The following BAIAP2 variants were observed in gnomAD, a reference collection of about 807,000 sequenced individuals.
BAIAP2 encodes the protein BAR/IMD domain containing adaptor protein 2.
BAIAP2 carries 18 observed loss-of-function variants against 63.0 expected under a neutral mutation model. That is an observed-to-expected ratio of 0.29 (90% CI 0.20 to 0.42). BAIAP2 has a LOEUF of 0.42. Ranked by LOEUF, BAIAP2 falls within the 10% of genes least tolerant of loss-of-function variation. BAIAP2 has a pLI of 1.00. For missense variants in BAIAP2, 610 were observed against 734.3 expected (o/e 0.83, Z 1.96); for synonymous variants, 386 against 307.6 (o/e 1.25, Z -2.67).
intron 3 of BAIAP2, among the ~76,000 whole-genome samples, chr17:81,059,123 G>GC (rs145916501): frequency 0.011 from 1,580 of 150,136 alleles, 13 homozygotes; most frequent in African/African-American, 0.021. Flanking sequence ...CCTCATCGGA[G>GC]CCCCCCCCCC....
At chr17:81,068,268 C>T (rs1004656126) in intron 3 of BAIAP2, among the ~76,000 whole-genome samples, 2 of 152,228 alleles carry the variant, frequency 1.3e-5, no homozygotes, top group Admixed American at 1.3e-4. Context: ...GAGCAATGTT[C>T]CCTCCTGGTC....
At chr17:81,090,030 G>A (rs2056441608) in intron 6 of BAIAP2, among the ~76,000 whole-genome samples, 1 of 152,150 alleles carries the variant, frequency 6.6e-6, no homozygotes, top group African/African-American at 2.4e-5. Flanking sequence ...CCCAGCCCTG[G>A]CTGAGCAGCC....
At chr17:81,097,397 C>T (rs1403971293) in intron 6 of BAIAP2, among the ~76,000 whole-genome samples, 1 of 152,350 alleles carries the variant, frequency 6.6e-6, no homozygotes. Context: ...CACACCCTGC[C>T]AGGCTGGTTC....
intron 3 of BAIAP2, among the ~76,000 whole-genome samples, chr17:81,061,742 G>A (rs910828576): frequency 7.2e-5 from 11 of 152,102 alleles, no homozygotes; most frequent in African/African-American, 2.7e-4. Context: ...AACTGATGTT[G>A]TGGAGCATCT....
At chr17:81,087,241 A>AC (rs1208772453) in intron 6 of BAIAP2, among the ~76,000 whole-genome samples, 1 of 152,174 alleles carries the variant, frequency 6.6e-6, no homozygotes, top group Non-Finnish European at 1.5e-5. Context: ...CTGGCCAGTC[A>AC]CCCAGGTAGA....
rs1291925203 is a variant in BAIAP2 at position 81,104,995 on chromosome 17, CGGCAGGGATCTCCCCCAAT to C, written c.1268+287_1268+305del. On this transcript the variant is annotated intron_variant, in intron 10 of 13. Transcript: ENST00000428708. ...CCCAACAGCAGGGATCTCCCCCCAA[CGGCAGGGATCTCCCCCAAT>C]GGCAGGTATCTCCCCCAATGGCAGG... 8.7e-4 allele frequency: 319 copies of C among 366,170 alleles called. 6 individuals carry two copies. Among genetic ancestry groups the C allele is most frequent in the Non-Finnish European group, 9.9e-4 (195 of 196,586 alleles). 22.7% of individuals were successfully genotyped at this position (366,170 alleles called of 1,614,324 possible). A position where few individuals can be genotyped will look rare whatever the true frequency, so the allele number is the denominator to read the frequency against.
chr17:81,100,348 G>C (rs904609547), intron 7 of BAIAP2, among the ~76,000 whole-genome samples: 1 of 92,900 alleles, frequency 1.1e-5, no homozygotes, highest in African/African-American at 3.3e-5. Flanking sequence ...CATTCTTCTA[G>C]AATGTTCTTG....
rs983141142 is a variant in BAIAP2, at chr17:81,046,972, G to C, written c.55-6696G>C. Among the ~76,000 whole-genome samples the C allele has an allele frequency of 1.3e-5, 2 of 152,188 alleles. No homozygotes were observed. Among genetic ancestry groups the C allele is most frequent in the Non-Finnish European group, 2.9e-5 (2 of 68,022 alleles). ...GCTGCCACCGGCTTCTGCCTGTCGC[G>C]ACAGAGGTGGAAGTGAGGGCGGTGG... On this transcript the variant is annotated intron_variant, in intron 1 of 13. Transcript: ENST00000428708. The surrounding 1 kb of genome is among the most constrained non-coding windows in gnomAD (Gnocchi z 4.5).
chr17:81,093,645 C>T (rs2057167612), intron 6 of BAIAP2, among the ~76,000 whole-genome samples: 1 of 152,000 alleles, frequency 6.6e-6, no homozygotes, highest in Non-Finnish European at 1.5e-5. Context: ...ATGCAGGGGG[C>T]TGGTGGGGGG....
At chr17:81,096,425 A>C (rs968334346) in intron 6 of BAIAP2, among the ~76,000 whole-genome samples, 1 of 152,232 alleles carries the variant, frequency 6.6e-6, no homozygotes, top group African/African-American at 2.4e-5. Context: ...CCTCCAAAGC[A>C]GGCACCCCCA....
chr17:81,035,363 G>A (rs1273710222), intron 1 of BAIAP2, 55 bp downstream of exon 1: 14 of 1,136,616 alleles, frequency 1.2e-5, no homozygotes, highest in South Asian at 2.8e-5. Context: ...TGGGTCGCGC[G>A]CCGCCCGCGC....
intron 3 of BAIAP2, among the ~76,000 whole-genome samples, chr17:81,061,145 C>G (rs952598761): frequency 6.6e-6 from 1 of 152,172 alleles, no homozygotes; most frequent in Non-Finnish European, 1.5e-5. Context: ...TAGACATCAT[C>G]GAAAGGATTC....
intron 6 of BAIAP2, among the ~76,000 whole-genome samples, chr17:81,095,318 C>T (rs774304008): frequency 1.8e-4 from 28 of 152,172 alleles, no homozygotes; most frequent in African/African-American, 5.1e-4. Context: ...CCACACAGCT[C>T]GGACGTGCCC....
At position 81,090,135 on chromosome 17, in the gene BAIAP2, A is replaced by G. The variant is rs374942298; in HGVS notation, c.489+3555A>G. On this transcript the variant is annotated intron_variant, in intron 6 of 13. Transcript: ENST00000428708. ...CTGTCCCCACCTGGGCACAGCCTCA[A>G]GGCCCTGGTGTCAGGCTTAGGCTTG... 3.5e-3 allele frequency among the ~76,000 whole-genome samples: 527 copies of G among 152,182 alleles called. 9 individuals carry two copies. The South Asian group carries it at 0.039, about 11-fold the overall frequency.
chr17:81,099,128 G>A (rs1276049111), intron 6 of BAIAP2, among the ~76,000 whole-genome samples: 2 of 45,106 alleles, frequency 4.4e-5, no homozygotes, highest in African/African-American at 1.9e-4. Flanking sequence ...CGAAAGGCGT[G>A]ACCTGTGGAT....
intron 11 of BAIAP2, among the ~76,000 whole-genome samples, chr17:81,106,414 C>T (rs1488852088): frequency 6.6e-6 from 1 of 152,150 alleles, no homozygotes; most frequent in Non-Finnish European, 1.5e-5. Flanking sequence ...GCCAGGTGTG[C>T]AAGGACCTGG....
At chr17:81,089,659 C>T (rs956365988) in intron 6 of BAIAP2, among the ~76,000 whole-genome samples, 2 of 152,154 alleles carry the variant, frequency 1.3e-5, no homozygotes, top group Non-Finnish European at 2.9e-5. Flanking sequence ...GGGGTCGTGG[C>T]CTTACAGGCT....
At chr17:81,098,206 C>A (rs901711321) in intron 6 of BAIAP2, 3 of 1,408,256 alleles carry the variant, frequency 2.1e-6, no homozygotes, top group African/African-American at 2.9e-5. Context: ...GTGAGTCATA[C>A]AACAAGCCCT....
chr17:81,050,599 C>T (rs1000000998), intron 1 of BAIAP2, among the ~76,000 whole-genome samples: 5 of 152,260 alleles, frequency 3.3e-5, no homozygotes, highest in Middle Eastern at 3.4e-3. Flanking sequence ...TGGAGCCAAG[C>T]GCGTGGGGCT....
Sources: allele counts gnomAD v4.1 joint callset (sites outside exome capture counted in the v4.1 genomes callset), GRCh38; gene constraint gnomAD v4.1.1; non-coding constraint Gnocchi (gnomAD v3.1); transcripts MANE v1.5; gene names NCBI Gene and HGNC (gene_info 2026-07-23, HGNC 2026-07-21).